FCHSD2: variants seen among roughly 807,000 people sequenced by gnomAD.
FCHSD2 encodes the protein F-BAR and double SH3 domains protein 2.
A neutral mutation model predicts 108.1 loss-of-function variants in FCHSD2; 38 were observed. The observed-to-expected ratio is 0.35, with a 90% confidence interval of 0.27 to 0.46. FCHSD2 has a LOEUF of 0.46. Among genes scored for constraint, FCHSD2 ranks in the 20% least tolerant of loss-of-function variants. The probability of loss-of-function intolerance (pLI) is 1.00; values close to 1 mark genes in which losing one functional copy is unlikely to be tolerated. For synonymous variants in FCHSD2, 279 were observed against 314.7 expected, an observed-to-expected ratio of 0.89 and a Z score of 1.20; for missense variants, 751 against 897.8, an observed-to-expected ratio of 0.84 and a Z score of 2.09.
At chr11:73,120,864 A>AT (rs1860717194) in intron 2 of FCHSD2, among the ~76,000 whole-genome samples, 1 of 152,038 alleles carries the variant, frequency 6.6e-6, no homozygotes, top group African/African-American at 2.4e-5. Context: ...ATTAACATAT[A>AT]ATGTGATGAA....
At chr11:72,883,137 A>T (rs1202338975) in intron 12 of FCHSD2, among the ~76,000 whole-genome samples, 1 of 152,188 alleles carries the variant, frequency 6.6e-6, no homozygotes, top group South Asian at 2.1e-4. Context: ...AAAAAAACCA[A>T]ACATGACCCT....
intron 12 of FCHSD2, among the ~76,000 whole-genome samples, chr11:72,875,468 G>C (rs1854949312): frequency 1.3e-5 from 2 of 152,230 alleles, no homozygotes; most frequent in South Asian, 4.2e-4. Flanking sequence ...TGAGCAGTTG[G>C]GACCAGAAGC....
chr11:72,934,876 C>A (rs1445065242), intron 8 of FCHSD2, among the ~76,000 whole-genome samples: 1 of 152,066 alleles, frequency 6.6e-6, no homozygotes, highest in Admixed American at 6.6e-5. Context: ...AACTGAGAAA[C>A]CATGGGACCT....
At chr11:73,090,780 A>T (rs1404737114) in intron 2 of FCHSD2, among the ~76,000 whole-genome samples, 1 of 152,236 alleles carries the variant, frequency 6.6e-6, no homozygotes, top group Non-Finnish European at 1.5e-5. Flanking sequence ...TGAAATTCAC[A>T]TAATATACAA....
intron 8 of FCHSD2, among the ~76,000 whole-genome samples, chr11:72,958,909 A>G (rs1224817299): frequency 6.6e-6 from 1 of 152,220 alleles, no homozygotes; most frequent in Non-Finnish European, 1.5e-5. Context: ...CTATGGAAAC[A>G]GAAGCACTGG....
chr11:73,083,599 C>T, intron 3 of FCHSD2, 96 bp downstream of exon 3: 2 of 685,450 alleles, frequency 2.9e-6, no homozygotes, highest in South Asian at 1.8e-5. Context: ...AAAAGGAAGG[C>T]ATAGGGATAA....
intron 2 of FCHSD2, among the ~76,000 whole-genome samples, chr11:73,137,170 A>C (rs1216928250): frequency 6.6e-6 from 1 of 152,130 alleles, no homozygotes; most frequent in Non-Finnish European, 1.5e-5. Context: ...AGAGGAGGCA[A>C]GTTTCAACTT....
chr11:73,095,814 G>A (rs149618147), intron 2 of FCHSD2, among the ~76,000 whole-genome samples: 21 of 152,160 alleles, frequency 1.4e-4, no homozygotes, highest in African/African-American at 4.6e-4. Flanking sequence ...AAGCCACGCT[G>A]GCAGAAACTG....
intron 8 of FCHSD2, chr11:72,983,806 T>C (rs1157493821): frequency 1.9e-6 from 1 of 518,788 alleles, no homozygotes; most frequent in Non-Finnish European, 3.7e-6. Context: ...ACATCACTCT[T>C]GTATCTTCTA....
At chr11:73,121,792 G>C (rs1295670454) in intron 2 of FCHSD2, among the ~76,000 whole-genome samples, 1 of 152,124 alleles carries the variant, frequency 6.6e-6, no homozygotes, top group Admixed American at 6.6e-5. Context: ...ACCTAAAAGT[G>C]ATTATTAAAA....
chr11:72,946,076 G>A (rs1056969923), intron 8 of FCHSD2, among the ~76,000 whole-genome samples: 4 of 152,072 alleles, frequency 2.6e-5, no homozygotes, highest in Admixed American at 6.6e-5. Flanking sequence ...AAATCATGCT[G>A]CTATAAAGAC....
intron 3 of FCHSD2, among the ~76,000 whole-genome samples, chr11:73,056,237 T>C (rs973684181): frequency 2.0e-5 from 3 of 152,124 alleles, no homozygotes; most frequent in Admixed American, 1.3e-4. Context: ...TGAAATTGAG[T>C]TTCTGGGCTT....
chr11:72,881,768 T>C (rs888056971), intron 12 of FCHSD2, among the ~76,000 whole-genome samples: 3 of 152,212 alleles, frequency 2.0e-5, no homozygotes, highest in Non-Finnish European at 4.4e-5. Context: ...TTAAGTGAAA[T>C]AAGCTAGGCA....
chr11:72,841,004 G>A (rs370929444), intron 18 of FCHSD2, 45 bp from the exon 19 acceptor site: 1 of 1,432,072 alleles, frequency 7.0e-7, no homozygotes, highest in Non-Finnish European at 9.8e-7. Context: ...GAGTTGTTGA[G>A]CAATAATGCT....
chr11:73,099,926 C>T lies in FCHSD2; in HGVS notation c.120-16186G>A, dbSNP rs1860178531. Among the ~76,000 whole-genome samples the T allele has an allele frequency of 2.0e-5, 3 of 152,256 alleles. No homozygotes were observed. The South Asian group carries it at 6.2e-4, about 31-fold the overall frequency. The stretch of plus-strand genomic sequence containing the variant: ...TGCCTCTGCCCGTCCCTATCCCCCA[C>T]TAATGAGGCCTTTCCCGAGCTCTAA... On this transcript the variant is annotated intron_variant, in intron 2 of 19. Transcript: ENST00000409418.
At chr11:72,986,353 G>A (rs1481877025) in intron 6 of FCHSD2, among the ~76,000 whole-genome samples, 1 of 152,102 alleles carries the variant, frequency 6.6e-6, no homozygotes, top group Non-Finnish European at 1.5e-5. Context: ...GGGACTACAG[G>A]CGCCTGCCAC....
chr11:72,979,447 G>T (rs1160388936), intron 8 of FCHSD2, among the ~76,000 whole-genome samples: 1 of 151,918 alleles, frequency 6.6e-6, no homozygotes, highest in Non-Finnish European at 1.5e-5. Context: ...ATTAATCCAA[G>T]AAATCAAAGG....
At chr11:72,900,688 C>T (rs60627587) in intron 10 of FCHSD2, among the ~76,000 whole-genome samples, 2,193 of 111,374 alleles carry the variant, frequency 0.02, 54 homozygotes, top group African/African-American at 0.069. Context: ...AAAAAAAAAG[C>T]ACTACTATAA....
intron 9 of FCHSD2, among the ~76,000 whole-genome samples, chr11:72,918,478 G>T (rs183914914): frequency 4.8e-4 from 73 of 152,026 alleles, no homozygotes; most frequent in Non-Finnish European, 8.4e-4. Flanking sequence ...AGCAGAGGAA[G>T]ATTTCAGTCT....
Sources: allele counts gnomAD v4.1 joint callset (sites outside exome capture counted in the v4.1 genomes callset), GRCh38; gene constraint gnomAD v4.1.1; transcripts MANE v1.5; gene names NCBI Gene and HGNC (gene_info 2026-07-23, HGNC 2026-07-21).